The following CTTNBP2 variants were observed in gnomAD, a reference collection of about 807,000 sequenced individuals.
CTTNBP2 encodes the protein cortactin-binding protein 2.
A neutral mutation model predicts 156.9 loss-of-function variants in CTTNBP2; 108 were observed. That is an observed-to-expected ratio of 0.69 (90% CI 0.59 to 0.81). The LOEUF (loss-of-function observed/expected upper bound fraction) is 0.81, where lower values mean the gene tolerates loss of function less well. CTTNBP2 is among the 30% of genes least tolerant of loss of function. The pLI is 0.00. For synonymous variants in CTTNBP2, 767 were observed against 751.8 expected (o/e 1.02, Z -0.33); for missense variants, 1,924 against 2,035.4 (o/e 0.95, Z 1.05).
chr7:117,763,287 G>T (rs1797302208), intron 9 of CTTNBP2, among the ~76,000 whole-genome samples: 1 of 152,066 alleles, frequency 6.6e-6, no homozygotes, highest in African/African-American at 2.4e-5. Context: ...TTAATAAAAA[G>T]GTGTTTATTC....
intron 2 of CTTNBP2, among the ~76,000 whole-genome samples, chr7:117,828,252 G>A (rs1167441604): frequency 6.6e-6 from 1 of 152,160 alleles, no homozygotes; most frequent in Admixed American, 6.6e-5. Context: ...AACCTTGGAG[G>A]CTGACAGAAA....
chr7:117,792,768 T>G lies in CTTNBP2; in HGVS notation c.428A>C (p.Lys143Thr). The part of the protein sequence containing the change: ...ESRQKKLEME[K>T]LQLQALEQEH... The stretch of plus-strand genomic sequence containing the variant: ...TTGCTCAAGGGCTTGTAGCTGAAGC[T>G]TCTCCATTTCCAGCTGAAAGAAATT... The change falls in exon 4 of 23, where the codon AAG becomes ACG. Residue 143 changes from lysine (K) to threonine (T), a missense_variant. Physicochemically the swap from Lys to Thr is moderately conservative, Grantham distance 78 (BLOSUM62 -1). Coordinates refer to ENST00000160373, the MANE Select transcript of CTTNBP2 (RefSeq NM_033427.3). This position sits in a 1 kb window ranked among gnomAD's most constrained non-coding sequence, Gnocchi z 4.2. 1.3e-6 allele frequency: 2 copies of G among 1,545,002 alleles called. No homozygotes were observed. The highest frequency in any genetic ancestry group is 1.7e-6 in the Non-Finnish European group (2 of 1,148,846).
At chr7:117,817,775 A>G (rs1368021621) in intron 2 of CTTNBP2, among the ~76,000 whole-genome samples, 2 of 152,124 alleles carry the variant, frequency 1.3e-5, no homozygotes, top group East Asian at 3.8e-4. Flanking sequence ...TATTGACATT[A>G]TTTATTGCTA....
At position 117,711,553 on chromosome 7, in the gene CTTNBP2, T is replaced by C. The variant is rs371159804; in HGVS notation, c.4976A>G (p.Glu1659Gly). 1.9e-6 allele frequency: 3 copies of C among 1,612,988 alleles called. No individual in the cohort carries two copies. Among genetic ancestry groups the C allele is most frequent in the African/African-American group, 1.3e-5 (1 of 74,784 alleles). ...NWNLHKNEHL[E>G]KPNK ...TAGGCAGGCCTATTTGTTAGGTTTT[T>C]CTAGGTGTTCATTTTTGTGTAAGTT... The change falls in exon 23 of 23, where the codon GAA (glutamate) becomes GGA (glycine). Residue 1659 changes from glutamate (E) to glycine (G), a missense_variant. Physicochemically the swap from Glu to Gly is moderately conservative, Grantham distance 98. Coordinates refer to ENST00000160373, the MANE Select transcript of CTTNBP2 (RefSeq NM_033427.3).
At chr7:117,808,034 G>A (rs1369850689) in intron 3 of CTTNBP2, among the ~76,000 whole-genome samples, 2 of 152,176 alleles carry the variant, frequency 1.3e-5, no homozygotes, top group Admixed American at 6.5e-5. Context: ...CACATAGAAG[G>A]AGCTGTATCT....
chr7:117,806,744 A>ATTT (rs3059529), intron 3 of CTTNBP2, among the ~76,000 whole-genome samples: 13 of 119,220 alleles, frequency 1.1e-4, no homozygotes, highest in Non-Finnish European at 2.1e-4. Flanking sequence ...TCTTTTTCTC[A>ATTT]TTTTTTTTTT....
At chr7:117,780,659 A>G (rs551300815) in intron 6 of CTTNBP2, 68 bp from the exon 7 acceptor site, 2 of 927,336 alleles carry the variant, frequency 2.2e-6, no homozygotes, top group Middle Eastern at 2.2e-4. Context: ...CCTAACCAAG[A>G]TATTAAATAC....
At chr7:117,720,939 T>C (rs1254342378) in intron 20 of CTTNBP2, 128 bp downstream of exon 20, 3 of 714,156 alleles carry the variant, frequency 4.2e-6, no homozygotes, top group Non-Finnish European at 7.5e-6. Flanking sequence ...GAATGACATA[T>C]ATAACTTTTT....
At chr7:117,763,186 G>A (rs1797299218) in intron 9 of CTTNBP2, among the ~76,000 whole-genome samples, 1 of 152,146 alleles carries the variant, frequency 6.6e-6, no homozygotes, top group Non-Finnish European at 1.5e-5. Context: ...TTCAGGATGA[G>A]AACAATCTTC....
rs1054889816 is a variant in CTTNBP2, at chr7:117,861,897, C to T, written c.82-581G>A. ...AACATTAAAAAAAATCTGAAGATGT[C>T]ACCAAAAAATCCAGATCCCTGGCTT... On this transcript the variant is annotated intron_variant, in intron 1 of 22. Coordinates refer to ENST00000160373, the MANE Select transcript of CTTNBP2 (RefSeq NM_033427.3). 1.1e-4 allele frequency among the ~76,000 whole-genome samples: 17 copies of T among 152,010 alleles called. No individual in the cohort carries two copies. The South Asian group carries it at 2.3e-3, about 20-fold the overall frequency.
intron 21 of CTTNBP2, 144 bp from the exon 22 acceptor site, chr7:117,718,263 A>AAGAAAGACTTCAAGTCTT (rs1794570458): frequency 2.2e-6 from 1 of 459,342 alleles, no homozygotes; most frequent in Non-Finnish European, 3.9e-6. Context: ...GTTCACATGA[A>AAGAAAGACTTCAAGTCTT]AGAAAGACTT....
rs557636398 is a variant in CTTNBP2 at position 117,735,552 on chromosome 7, T to C, written c.3536-131A>G. 8 of 751,146 alleles carry C rather than the reference T, an allele frequency of 1.1e-5. No individual in the cohort carries two copies. In the South Asian group the frequency reaches 1.3e-4, roughly 12 times the overall value. 46.5% of individuals were successfully genotyped at this position (751,146 alleles called of 1,614,324 possible). On this transcript the variant is annotated intron_variant, in intron 14 of 22. Coordinates refer to ENST00000160373, the MANE Select transcript of CTTNBP2 (RefSeq NM_033427.3). The stretch of plus-strand genomic sequence containing the variant: ...TATAATGGGAATGTTCTTAAATTGC[T>C]TGGGGAGTGAACAACTCTGGAAAAC...
chr7:117,806,094 C>T (rs898775699), intron 3 of CTTNBP2, among the ~76,000 whole-genome samples: 5 of 152,158 alleles, frequency 3.3e-5, no homozygotes, highest in African/African-American at 7.2e-5. Flanking sequence ...AAGCAGGGGC[C>T]GAGGGAAACT....
In CTTNBP2 at chr7:117,784,409, G is replaced by C; in HGVS notation, c.2114C>G (p.Ala705Gly). The change falls in exon 5 of 23, where the codon GCC (alanine) becomes GGC (glycine). Residue 705 changes from alanine (A) to glycine (G), a missense_variant. Transcript: ENST00000160373. ...LTPLLMSGGP[A>G]PLAGRPTLLQ... ...AAGGGTGGGCCTGCCAGCCAGGGGG[G>C]CAGGACCACCACTCATTAGCAAAGG... 1 of 1,612,004 alleles carries C rather than the reference G, an allele frequency of 6.2e-7. No individual in the cohort carries two copies. Among genetic ancestry groups the C allele is most frequent in the Admixed American group, 1.7e-5 (1 of 59,476 alleles).
In CTTNBP2 at chr7:117,760,666, G is replaced by T; in HGVS notation, c.2941C>A (p.Pro981Thr). 2 of 1,613,184 alleles carry T rather than the reference G, an allele frequency of 1.2e-6. No individual in the cohort carries two copies. Among genetic ancestry groups the T allele is most frequent in the Non-Finnish European group, 1.7e-6 (2 of 1,179,430 alleles). The part of the protein sequence containing the change: ...PLRISVGEIE[P>T]SNYGSDDLEC... ...AAGTCATCAGAACCATAGTTGCTTG[G>T]TTCAATCTCACCCACTGAAATCCTT... Residue 981 changes from proline to threonine, a missense_variant, in exon 10 of 23, where the codon CCA becomes ACA. Transcript: ENST00000160373.
chr7:117,712,078 G>C (rs1419446523), intron 22 of CTTNBP2, among the ~76,000 whole-genome samples: 1 of 152,126 alleles, frequency 6.6e-6, no homozygotes, highest in Non-Finnish European at 1.5e-5. Flanking sequence ...ACAGGCATGA[G>C]GAAATCACCA....
chr7:117,765,906 A>G (rs1474354445), intron 9 of CTTNBP2, among the ~76,000 whole-genome samples: 1 of 152,148 alleles, frequency 6.6e-6, no homozygotes, highest in Non-Finnish European at 1.5e-5. Flanking sequence ...TAAACTGCCC[A>G]AAACATCAAT....
At chr7:117,854,975 G>GAAC (rs1803194167) in intron 2 of CTTNBP2, among the ~76,000 whole-genome samples, 1 of 152,086 alleles carries the variant, frequency 6.6e-6, no homozygotes, top group African/African-American at 2.4e-5. Context: ...AGTAGAGATA[G>GAAC]GGTTTCACCA....
At chr7:117,872,101 T>G (rs1804650101) in intron 1 of CTTNBP2, 1 of 421,584 alleles carries the variant, frequency 2.4e-6, no homozygotes, top group Non-Finnish European at 3.2e-6. Context: ...AATCAAAACT[T>G]GCCAGTTTTA....
Sources: allele counts gnomAD v4.1 joint callset (sites outside exome capture counted in the v4.1 genomes callset), GRCh38; gene constraint gnomAD v4.1.1; non-coding constraint Gnocchi (gnomAD v3.1); transcripts MANE v1.5; gene names NCBI Gene and HGNC (gene_info 2026-07-23, HGNC 2026-07-21).